UTRN: variants seen among roughly 807,000 people sequenced by gnomAD.
UTRN encodes the protein utrophin.
UTRN carries 283 observed loss-of-function variants against 463.9 expected under a neutral mutation model. That is an observed-to-expected ratio of 0.61 (90% CI 0.55 to 0.67). The LOEUF (loss-of-function observed/expected upper bound fraction) is 0.67, where lower values mean the gene tolerates loss of function less well. Ranked by LOEUF, UTRN falls within the 30% of genes least tolerant of loss-of-function variation. UTRN has a pLI of 0.00. For missense variants in UTRN, 3,922 were observed against 4,084.3 expected (o/e 0.96, Z 1.08); for synonymous variants, 1,442 against 1,431.5 (o/e 1.01, Z -0.17).
chr6:144,567,658 A>T (rs1800526490), intron 50 of UTRN, among the ~76,000 whole-genome samples: 3 of 152,202 alleles, frequency 2.0e-5, no homozygotes, highest in Admixed American at 6.5e-5. Flanking sequence ...CTCACTGAAA[A>T]GTTTAAGGTA....
chr6:144,694,098 AGG>A (rs1337399824), intron 52 of UTRN, among the ~76,000 whole-genome samples: 1 of 151,942 alleles, frequency 6.6e-6, no homozygotes, highest in Admixed American at 6.6e-5. Context: ...TTTTAACCTA[AGG>A]GGTGTTGAAT....
intron 52 of UTRN, among the ~76,000 whole-genome samples, chr6:144,699,593 CCTCT>C (rs548110412): frequency 1.2e-3 from 160 of 132,658 alleles, no homozygotes; most frequent in Non-Finnish European, 8.9e-4. Context: ...TGGTTATTTT[CCTCT>C]CTCTCTCTCC....
At chr6:144,288,457 TA>T (rs749024747) in intron 1 of UTRN, among the ~76,000 whole-genome samples, 1 of 152,206 alleles carries the variant, frequency 6.6e-6, no homozygotes, top group Non-Finnish European at 1.5e-5. Flanking sequence ...TCCAAAGTGA[TA>T]CACTGTAGTT....
intron 51 of UTRN, among the ~76,000 whole-genome samples, chr6:144,645,667 G>A (rs982762050): frequency 6.6e-6 from 1 of 152,178 alleles, no homozygotes; most frequent in African/African-American, 2.4e-5. Context: ...ACCCTTAAAG[G>A]TGATGATCAA....
chr6:144,394,777 C>A (rs1019508612), intron 2 of UTRN, among the ~76,000 whole-genome samples: 3 of 151,236 alleles, frequency 2.0e-5, no homozygotes, highest in African/African-American at 7.3e-5. Context: ...TTGTTTTATT[C>A]TGTGAATTTA....
At chr6:144,587,371 G>T (rs1436515885) in intron 51 of UTRN, among the ~76,000 whole-genome samples, 1 of 152,162 alleles carries the variant, frequency 6.6e-6, no homozygotes, top group East Asian at 1.9e-4. Flanking sequence ...CAAAAGGCTT[G>T]CTTTGTGGCT....
In UTRN at chr6:144,452,205, G is replaced by A. The variant is rs141897702; in HGVS notation, c.2196+712G>A. 7.2e-5 allele frequency among the ~76,000 whole-genome samples: 11 copies of A among 152,266 alleles called. No homozygotes were observed. The South Asian group carries it at 1.5e-3, about 20-fold the overall frequency. On this transcript the variant is annotated intron_variant, in intron 18 of 74. Transcript: ENST00000367545. Reference sequence around the variant, plus strand: ...TGATCTTTAGTTAGACAAAATAAACGGTGTTTCTTAGAGTCTCTTACTAAT... The same window carrying A: ...TGATCTTTAGTTAGACAAAATAAACAGTGTTTCTTAGAGTCTCTTACTAAT...
At chr6:144,310,024 T>A (rs902131890) in intron 2 of UTRN, among the ~76,000 whole-genome samples, 1 of 152,238 alleles carries the variant, frequency 6.6e-6, no homozygotes, top group Non-Finnish European at 1.5e-5. Flanking sequence ...CACTTTATCC[T>A]GTTTCATTTT....
intron 51 of UTRN, among the ~76,000 whole-genome samples, chr6:144,578,203 C>T (rs1010285933): frequency 1.3e-5 from 2 of 152,178 alleles, no homozygotes; most frequent in Non-Finnish European, 2.9e-5. Context: ...ACTCTGTCCA[C>T]TCCCAAAGAA....
intron 34 of UTRN, among the ~76,000 whole-genome samples, chr6:144,502,491 T>C (rs918537788): frequency 1.3e-5 from 2 of 152,142 alleles, no homozygotes; most frequent in South Asian, 2.1e-4. Context: ...TTCCCACTTA[T>C]GAGTGAGAAT....
intron 50 of UTRN, among the ~76,000 whole-genome samples, chr6:144,564,421 G>C (rs1800210855): frequency 6.6e-6 from 1 of 152,136 alleles, no homozygotes; most frequent in African/African-American, 2.4e-5. Context: ...ATGATGGTAA[G>C]AGCTTGAGAT....
At chr6:144,669,756 G>A (rs1440089151) in intron 51 of UTRN, among the ~76,000 whole-genome samples, 3 of 152,000 alleles carry the variant, frequency 2.0e-5, no homozygotes, top group Non-Finnish European at 4.4e-5. Context: ...TTCCCCTGGA[G>A]CTCCCAGAGT....
At chr6:144,604,920 T>C (rs1488434520) in intron 51 of UTRN, among the ~76,000 whole-genome samples, 1 of 150,666 alleles carries the variant, frequency 6.6e-6, no homozygotes, top group African/African-American at 2.4e-5. Flanking sequence ...GGTCTCAAAA[T>C]AAATAAATAA....
chr6:144,497,287 C>G (rs577488555), intron 33 of UTRN, among the ~76,000 whole-genome samples: 22 of 152,114 alleles, frequency 1.4e-4, no homozygotes, highest in African/African-American at 5.3e-4. Flanking sequence ...GAAGTGAAAT[C>G]AACAGGACTT....
intron 47 of UTRN, among the ~76,000 whole-genome samples, chr6:144,549,890 T>G (rs1023672287): frequency 4.6e-5 from 7 of 152,224 alleles, no homozygotes; most frequent in Non-Finnish European, 5.9e-5. Context: ...GCAAAGCCCT[T>G]TGGATTTTTA....
chr6:144,458,638 TA>T, intron 19 of UTRN, 131 bp from the exon 20 acceptor site: 1 of 1,081,302 alleles, frequency 9.2e-7, no homozygotes, highest in Admixed American at 3.0e-5. Context: ...GTTGTTGTAT[TA>T]AAAGGGACTT....
intron 51 of UTRN, among the ~76,000 whole-genome samples, chr6:144,674,334 T>G (rs1392002631): frequency 6.6e-6 from 1 of 151,918 alleles, no homozygotes; most frequent in Non-Finnish European, 1.5e-5. Context: ...GGAGGCTGTT[T>G]TTTTTTTAAT....
chr6:144,751,935 C>A lies in UTRN; in HGVS notation c.8338C>A (p.Arg2780=), dbSNP rs748214227. The change falls in exon 56 of 75, where the codon CGA becomes AGA. Residue 2780 remains arginine, a synonymous_variant. Transcript: ENST00000367545. ...TCGCCAGCTAGATGACCTTAATATG[C>A]GATGGAAACTTTTACAGGTATCAGC... ...MSRQLDDLNM[R]WKLLQVSVDD... 1.2e-6 allele frequency: 2 copies of A among 1,608,034 alleles called. No individual in the cohort carries two copies. Among genetic ancestry groups the A allele is most frequent in the South Asian group, 2.2e-5 (2 of 90,028 alleles).
At chr6:144,812,476 G>A (rs1778706967) in intron 65 of UTRN, among the ~76,000 whole-genome samples, 1 of 152,154 alleles carries the variant, frequency 6.6e-6, no homozygotes, top group South Asian at 2.1e-4. Flanking sequence ...TTGAAGTTCA[G>A]TAGTGCATAG....
Sources: gnomAD v4.1 joint callset for allele counts (sites outside exome capture counted in the v4.1 genomes callset) on GRCh38, gnomAD v4.1.1 for gene constraint, MANE v1.5 for transcripts, NCBI Gene and HGNC (gene_info 2026-07-23, HGNC 2026-07-21) for gene names.